The following PARD3B variants were observed in gnomAD, a reference collection of about 807,000 sequenced individuals.
PARD3B encodes par-3 family cell polarity regulator beta.
In PARD3B, 103 loss-of-function variants were observed where a neutral mutation model predicts 130.2. That is an observed-to-expected ratio of 0.79 (90% CI 0.67 to 0.93). The LOEUF (loss-of-function observed/expected upper bound fraction) is 0.93. PARD3B is among the 40% of genes least tolerant of loss of function. The pLI, the probability that PARD3B is intolerant of heterozygous loss-of-function variation, is 0.00. For missense variants in PARD3B, 1,609 were observed against 1,499.2 expected (o/e 1.07, Z -1.21); for synonymous variants, 583 against 553.2 (o/e 1.05, Z -0.76).
intron 20 of PARD3B, among the ~76,000 whole-genome samples, chr2:205,478,607 T>C (rs2049113057): frequency 6.6e-6 from 1 of 151,952 alleles, no homozygotes; most frequent in Non-Finnish European, 1.5e-5. Context: ...CTGCTCAAGA[T>C]TTCAGCTACC....
chr2:205,597,961 G>A (rs2054630313), intron 22 of PARD3B, among the ~76,000 whole-genome samples: 1 of 151,924 alleles, frequency 6.6e-6, no homozygotes, highest in African/African-American at 2.4e-5. Context: ...CTTAAAAAGG[G>A]AATGTTAAAC....
intron 4 of PARD3B, among the ~76,000 whole-genome samples, chr2:205,058,328 A>G (rs1699860646): frequency 6.6e-6 from 1 of 151,916 alleles, no homozygotes; most frequent in Non-Finnish European, 1.5e-5. Context: ...CATTTTGCTT[A>G]TCTACTCATC....
chr2:204,691,699 CTATTACAGTA>C (rs1360576216), intron 2 of PARD3B, among the ~76,000 whole-genome samples: 9 of 152,036 alleles, frequency 5.9e-5, no homozygotes, highest in Non-Finnish European at 1.2e-4. Context: ...TATGGTAGTG[CTATTACAGTA>C]TTTTTAATGT....
Position 205,265,910 on chromosome 2 carries a change from T to C in PARD3B, c.2185+20088T>C. ...TCATTTTAGTACTTCATCTGTGATA[T>C]AAAACATAAATCTTGAGAGAAGGGC... On this transcript the variant is annotated intron_variant, in intron 16 of 22. Transcript: ENST00000406610. The surrounding 1 kb of genome is among the most constrained non-coding windows in gnomAD (Gnocchi z 4.3). Among the ~76,000 whole-genome samples the C allele has an allele frequency of 6.6e-6, 1 of 152,028 alleles. No individual in the cohort carries two copies. Among genetic ancestry groups the C allele is most frequent in the East Asian group, 1.9e-4 (1 of 5,190 alleles).
chr2:205,082,637 T>C (rs1701490830), intron 4 of PARD3B, among the ~76,000 whole-genome samples: 1 of 152,110 alleles, frequency 6.6e-6, no homozygotes, highest in Non-Finnish European at 1.5e-5. Flanking sequence ...AAAAAATCAG[T>C]TTGATTTCAT....
chr2:205,429,078 A>C (rs1450819300), intron 19 of PARD3B, among the ~76,000 whole-genome samples: 1 of 152,234 alleles, frequency 6.6e-6, no homozygotes, highest in Non-Finnish European at 1.5e-5. Context: ...CAGTCTCTTG[A>C]CTAAATATGG....
chr2:205,496,058 CAG>C (rs1470466599), intron 20 of PARD3B, among the ~76,000 whole-genome samples: 1 of 152,032 alleles, frequency 6.6e-6, no homozygotes. Flanking sequence ...CTGCTGTGGA[CAG>C]AGAGTGGAGT....
At chr2:204,733,291 A>G (rs996289213) in intron 2 of PARD3B, among the ~76,000 whole-genome samples, 1 of 152,182 alleles carries the variant, frequency 6.6e-6, no homozygotes, top group African/African-American at 2.4e-5. Flanking sequence ...CTTAGGGATA[A>G]ATTTGACAAA....
chr2:205,003,340 C>A (rs530998887), intron 3 of PARD3B, among the ~76,000 whole-genome samples: 5 of 152,202 alleles, frequency 3.3e-5, no homozygotes, highest in African/African-American at 1.2e-4. Context: ...TCACAGGTTC[C>A]AGCAATTAGG....
At chr2:205,129,846 T>C (rs2031829278) in intron 10 of PARD3B, among the ~76,000 whole-genome samples, 1 of 152,184 alleles carries the variant, frequency 6.6e-6, no homozygotes, top group South Asian at 2.1e-4. Flanking sequence ...TGTGACTCTG[T>C]CATTCTGAAG....
rs796567936 is a variant in PARD3B at position 205,550,955 on chromosome 2, G to GTGTGTATATATATATATATATATATA, written c.3181-2368_3181-2367insGTGTATATATATATATATATATATAT. ...TGTGTGTGTGTGTATATATATATGT[G>GTGTGTATATATATATATATATATATA]TATATATATATATATATATATACAC... On this transcript the variant is annotated intron_variant, in intron 21 of 22. Coordinates refer to ENST00000406610, the MANE Select transcript of PARD3B (RefSeq NM_001302769.2). The surrounding 1 kb of genome is among the most constrained non-coding windows in gnomAD (Gnocchi z 4.5). 1.9e-4 allele frequency among the ~76,000 whole-genome samples: 18 copies of GTGTGTATATATATATATATATATATA among 94,454 alleles called. No individual in the cohort carries two copies. The highest frequency in any genetic ancestry group is 5.3e-4 in the African/African-American group (14 of 26,402). 62.0% of individuals were successfully genotyped at this position (94,454 alleles called of 152,430 possible).
chr2:205,578,199 A>G (rs2106562883), intron 22 of PARD3B, among the ~76,000 whole-genome samples: 1 of 152,238 alleles, frequency 6.6e-6, no homozygotes, highest in Non-Finnish European at 1.5e-5. Context: ...CACTCCTCTC[A>G]CTATCCTCTC....
intron 15 of PARD3B, among the ~76,000 whole-genome samples, chr2:205,243,851 A>G (rs947188168): frequency 1.3e-5 from 2 of 152,208 alleles, no homozygotes; most frequent in African/African-American, 2.4e-5. Flanking sequence ...GAATGAATGA[A>G]TAGATACAAA....
chr2:205,478,567 C>T (rs1251808849), intron 20 of PARD3B, among the ~76,000 whole-genome samples: 3 of 152,196 alleles, frequency 2.0e-5, no homozygotes, highest in African/African-American at 7.2e-5. Flanking sequence ...TGGAATGTAA[C>T]ATTTGCATTT....
chr2:205,384,383 T>TAGGAGATAAAA (rs1285547714), intron 18 of PARD3B, among the ~76,000 whole-genome samples: 2 of 152,200 alleles, frequency 1.3e-5, no homozygotes, highest in East Asian at 3.9e-4. Context: ...GTAATCTACA[T>TAGGAGATAAAA]AGGAGATAAA....
chr2:205,338,298 C>A, intron 18 of PARD3B, among the ~76,000 whole-genome samples: 1 of 151,982 alleles, frequency 6.6e-6, no homozygotes, highest in Admixed American at 6.6e-5. Flanking sequence ...AACTTCCCTT[C>A]CAATATGTGC....
chr2:204,688,441 G>A (rs1201340142), intron 2 of PARD3B, among the ~76,000 whole-genome samples: 1 of 151,838 alleles, frequency 6.6e-6, no homozygotes, highest in Non-Finnish European at 1.5e-5. Flanking sequence ...TTACACAGGA[G>A]TGGTGGCATG....
intron 1 of PARD3B, among the ~76,000 whole-genome samples, chr2:204,616,651 A>G (rs921792603): frequency 4.6e-5 from 7 of 152,230 alleles, no homozygotes; most frequent in African/African-American, 1.7e-4. Context: ...TTATGTTCAC[A>G]CAAAAATCTG....
chr2:205,513,800 A>T (rs1241920817), intron 21 of PARD3B, among the ~76,000 whole-genome samples: 1 of 152,098 alleles, frequency 6.6e-6, no homozygotes, highest in African/African-American at 2.4e-5. Flanking sequence ...AGGAAACATA[A>T]TTTCAAATAT....
Sources: allele counts gnomAD v4.1 joint callset (sites outside exome capture counted in the v4.1 genomes callset), GRCh38; gene constraint gnomAD v4.1.1; non-coding constraint Gnocchi (gnomAD v3.1); transcripts MANE v1.5; gene names NCBI Gene and HGNC (gene_info 2026-07-23, HGNC 2026-07-21).